The following NCAM1 variants were observed in gnomAD, a reference collection of about 807,000 sequenced individuals.
NCAM1 encodes neural cell adhesion molecule 1, also known as antigen recognized by monoclonal antibody 5.1H11.
Under a neutral mutation model 109.8 loss-of-function variants are expected in NCAM1, and 14 were observed. That is an observed-to-expected ratio of 0.13 (90% CI 0.08 to 0.20). The LOEUF (loss-of-function observed/expected upper bound fraction) is 0.20. NCAM1 is among the 10% of genes least tolerant of loss of function. NCAM1 has a pLI of 1.00. For synonymous variants in NCAM1, 418 were observed against 442.9 expected (o/e 0.94, Z 0.70); for missense variants, 774 against 1,109.9 (o/e 0.70, Z 4.30).
chr11:113,088,325 G>A (rs952908295), intron 1 of NCAM1, among the ~76,000 whole-genome samples: 2 of 152,180 alleles, frequency 1.3e-5, no homozygotes, highest in Admixed American at 6.5e-5. Context: ...ATGGTAATTC[G>A]GGCTAATGCA....
At chr11:113,173,848 G>A (rs892725777) in intron 1 of NCAM1, among the ~76,000 whole-genome samples, 1 of 151,868 alleles carries the variant, frequency 6.6e-6, no homozygotes, top group African/African-American at 2.4e-5. Context: ...GGTGGCCTCG[G>A]GCAGCAGGTT....
chr11:113,142,845 T>G (rs1168577460), intron 1 of NCAM1, among the ~76,000 whole-genome samples: 1 of 152,192 alleles, frequency 6.6e-6, no homozygotes, highest in Non-Finnish European at 1.5e-5. Flanking sequence ...TTATTTTCAG[T>G]TTTTACTGTA....
rs1193697084 is a variant in NCAM1, at chr11:113,204,501, T to C, written c.343T>C (p.Phe115Leu). 1 of 1,613,702 alleles carries C rather than the reference T, an allele frequency of 6.2e-7. No homozygotes were observed. The highest frequency in any genetic ancestry group is 8.5e-7 in the Non-Finnish European group (1 of 1,179,792). ...ESEATVNVKIFQKLMFKNAPT... is the reference protein window; with the variant it reads ...ESEATVNVKILQKLMFKNAPT... ...AGAGGCCACCGTCAACGTGAAGATC[T>C]TTCGTAAGAGCCTCCTTCTTCTTCT... The change falls in exon 3 of 20, where the codon TTT becomes CTT. Residue 115 changes from phenylalanine to leucine, a missense_variant. Around this residue, in one of 4 missense-constraint regions of NCAM1, gnomAD observed 17 missense variants for 54.1 expected, o/e 0.31. Coordinates refer to ENST00000316851, the MANE Select transcript of NCAM1 (RefSeq NM_181351.5).
chr11:113,240,764 A>C (rs1945296995), intron 14 of NCAM1: 1 of 1,608,578 alleles, frequency 6.2e-7, no homozygotes, highest in Non-Finnish European at 8.5e-7. Context: ...TTTTTTCCCC[A>C]CCTTCATTTT....
Position 113,262,510 on chromosome 11 carries a change from A to G in NCAM1, c.2131+2187A>G, listed in dbSNP as rs185748436. On this transcript the variant is annotated intron_variant, in intron 17 of 19. Coordinates refer to ENST00000316851, the MANE Select transcript of NCAM1 (RefSeq NM_181351.5). ...TTTGCTCGCTGATCCCTAGCCCCCAAATTAACCCTGCTGTGCTGCTTCTGG... is the reference window on the plus strand; with the variant it reads ...TTTGCTCGCTGATCCCTAGCCCCCAGATTAACCCTGCTGTGCTGCTTCTGG... Among the ~76,000 whole-genome samples, 3 of 152,200 alleles carry G rather than the reference A, an allele frequency of 2.0e-5. No individual in the cohort carries two copies. The East Asian group carries it at 5.8e-4, about 29-fold the overall frequency.
At chr11:113,011,127 C>A (rs1192246903) in intron 1 of NCAM1, among the ~76,000 whole-genome samples, 1 of 128,994 alleles carries the variant, frequency 7.8e-6, no homozygotes, top group Non-Finnish European at 1.6e-5. Context: ...CCCACCCCAC[C>A]ACAGTCCCCA....
rs868914028 is a variant in NCAM1 at position 113,236,205 on chromosome 11, C to T, written c.1825+1041C>T. The T allele has an allele frequency of 5.9e-5, 76 of 1,292,402 alleles. No homozygotes were observed. In the Admixed American group the frequency reaches 6.2e-4, roughly 11 times the overall value. The allele number at this position is 1,292,402 out of a possible 1,614,324, so 80.1% of individuals were successfully genotyped here. On this transcript the variant is annotated intron_variant, in intron 14 of 19. Transcript: ENST00000316851. Reference sequence around the variant, plus strand: ...TGAGTTTCCAGCTCCATGTGCTCTGCGGATTCTATTCATTTCTTTTACATC... The same window carrying T: ...TGAGTTTCCAGCTCCATGTGCTCTGTGGATTCTATTCATTTCTTTTACATC...
intron 1 of NCAM1, among the ~76,000 whole-genome samples, chr11:113,066,935 C>T (rs1374535931): frequency 1.4e-5 from 2 of 141,604 alleles, no homozygotes; most frequent in Non-Finnish European, 3.0e-5. Flanking sequence ...ACCCAGGAGG[C>T]GAAGCTTGCA....
chr11:113,153,475 A>AGTGT (rs148147482), intron 1 of NCAM1, among the ~76,000 whole-genome samples: 692 of 148,766 alleles, frequency 4.7e-3, no homozygotes, highest in Non-Finnish European at 7.7e-3. Context: ...AGAGAGAGAG[A>AGTGT]GTGTGTGTGT....
intron 17 of NCAM1, among the ~76,000 whole-genome samples, chr11:113,267,252 G>C (rs1946149738): frequency 6.6e-6 from 1 of 152,180 alleles, no homozygotes; most frequent in Admixed American, 6.5e-5. Context: ...CATTTTCTGT[G>C]AATCAGGATT....
chr11:113,082,790 C>G (rs1245112), intron 1 of NCAM1, among the ~76,000 whole-genome samples: 80,727 of 151,798 alleles, frequency 0.53, 22,171 homozygotes, highest in Middle Eastern at 0.58. Context: ...ATTCAGCAAC[C>G]GTGAGTATCC....
rs145415280 is a variant in NCAM1 at position 113,238,364 on chromosome 11, C to T, written c.1825+3200C>T. Among the ~76,000 whole-genome samples the T allele has an allele frequency of 1.6e-4, 24 of 152,248 alleles. No homozygotes were observed. The East Asian group carries it at 3.9e-3, about 24-fold the overall frequency. ...TTGCAAGAATTTTAGCAGGATGAGG[C>T]GGTGAACATATGGGAACATCATATT... is the stretch of plus-strand genomic sequence containing the variant. On this transcript the variant is annotated intron_variant, in intron 14 of 19. Transcript: ENST00000316851.
chr11:113,135,442 G>C (rs1303784155), intron 1 of NCAM1, among the ~76,000 whole-genome samples: 5 of 152,140 alleles, frequency 3.3e-5, no homozygotes, highest in African/African-American at 1.2e-4. Flanking sequence ...AGTGCGATGT[G>C]TTGAGCCCTT....
intron 1 of NCAM1, among the ~76,000 whole-genome samples, chr11:113,001,803 T>TA (rs563878141): frequency 9.1e-4 from 135 of 148,562 alleles, no homozygotes; most frequent in African/African-American, 2.2e-3. Flanking sequence ...CTCATTTAGA[T>TA]AAAAAAAAAA....
At chr11:113,247,326 A>T (rs1388969546) in intron 15 of NCAM1, among the ~76,000 whole-genome samples, 1 of 152,174 alleles carries the variant, frequency 6.6e-6, no homozygotes, top group East Asian at 1.9e-4. Context: ...GGCTACATGG[A>T]TCACGAAAGC....
At chr11:112,987,610 GAATT>G (rs1366320212) in intron 1 of NCAM1, among the ~76,000 whole-genome samples, 3 of 151,954 alleles carry the variant, frequency 2.0e-5, no homozygotes, top group African/African-American at 7.3e-5. Flanking sequence ...TATATTCTCT[GAATT>G]AATTGACTTC....
intron 8 of NCAM1, among the ~76,000 whole-genome samples, 180 bp from the exon 9 acceptor site, chr11:113,221,116 A>G (rs1459462937): frequency 6.6e-6 from 1 of 152,234 alleles, no homozygotes; most frequent in African/African-American, 2.4e-5. Flanking sequence ...AAAGCTGGAC[A>G]TAAGCTAAAT....
At chr11:113,060,201 A>G (rs1382718470) in intron 1 of NCAM1, among the ~76,000 whole-genome samples, 2 of 152,224 alleles carry the variant, frequency 1.3e-5, no homozygotes, top group African/African-American at 4.8e-5. Context: ...GATTTTTAAT[A>G]TGTGATGCTT....
intron 7 of NCAM1, among the ~76,000 whole-genome samples, chr11:113,210,488 G>A (rs1261447285): frequency 6.6e-6 from 1 of 152,064 alleles, no homozygotes; most frequent in African/African-American, 2.4e-5. Flanking sequence ...GGAGTGTCTG[G>A]CAATACTAGA....
Sources: allele counts gnomAD v4.1 joint callset (sites outside exome capture counted in the v4.1 genomes callset), GRCh38; gene constraint gnomAD v4.1.1; regional missense constraint gnomAD v4.1.1; transcripts MANE v1.5; gene names NCBI Gene and HGNC (gene_info 2026-07-23, HGNC 2026-07-21).